Variants in ATF1 observed in about 807,000 individuals in gnomAD.
ATF1 encodes cyclic AMP-dependent transcription factor ATF-1.
In ATF1, 16 loss-of-function variants were observed where a neutral mutation model predicts 34.7. The ratio of observed to expected loss-of-function variants is 0.46; its 90% CI spans 0.31 to 0.70. The LOEUF is 0.70. ATF1 is among the 30% of genes least tolerant of loss of function. The probability of loss-of-function intolerance (pLI) is 0.05; values close to 1 mark genes in which losing one functional copy is unlikely to be tolerated. For synonymous variants in ATF1, 105 were observed against 113.1 expected, an observed-to-expected ratio of 0.93 and a Z score of 0.46; for missense variants, 255 against 321.6, an observed-to-expected ratio of 0.79 and a Z score of 1.58.
intron 2 of ATF1, among the ~76,000 whole-genome samples, chr12:50,790,365 T>A (rs1941277298): frequency 6.6e-6 from 1 of 152,056 alleles, no homozygotes; most frequent in African/African-American, 2.4e-5. Flanking sequence ...CTGCCAAACC[T>A]GGCTAATTTT....
At chr12:50,776,709 C>T (rs1940933881) in intron 1 of ATF1, among the ~76,000 whole-genome samples, 1 of 152,016 alleles carries the variant, frequency 6.6e-6, no homozygotes, top group Admixed American at 6.6e-5. Context: ...TTAAATATTT[C>T]CAATTCCCTT....
At chr12:50,777,626 C>G (rs931910342) in intron 1 of ATF1, among the ~76,000 whole-genome samples, 2 of 151,622 alleles carry the variant, frequency 1.3e-5, no homozygotes, top group South Asian at 4.2e-4. Flanking sequence ...AAAGACCCCC[C>G]CCAAATTAAC....
chr12:50,802,552 T>G (rs1434229121), intron 3 of ATF1, among the ~76,000 whole-genome samples: 1 of 151,864 alleles, frequency 6.6e-6, no homozygotes, highest in Non-Finnish European at 1.5e-5. Context: ...CTGGAAACTA[T>G]AAAACCTTGT....
At position 50,814,456 on chromosome 12, in the gene ATF1, T is replaced by C. The variant is rs75866814; in HGVS notation, c.671+17T>C. 6.2e-7 allele frequency: 1 copy of C among 1,610,274 alleles called. No homozygotes were observed. The highest frequency in any genetic ancestry group is 1.3e-5 in the African/African-American group (1 of 74,960). On this transcript the variant is annotated intron_variant, in intron 6 of 6. Coordinates refer to ENST00000262053, the MANE Select transcript of ATF1 (RefSeq NM_005171.5). ...GAAAAACAGGTAGGTAGTAAAATCG[T>C]AGTACCAGAATGGGTAATGTTTTTA...
intron 3 of ATF1, among the ~76,000 whole-genome samples, chr12:50,805,602 C>T (rs1941600895): frequency 6.6e-6 from 1 of 151,440 alleles, no homozygotes; most frequent in Non-Finnish European, 1.5e-5. Context: ...ATTCTTAACC[C>T]ATTGTGACCA....
At chr12:50,790,710 T>C (rs1941283153) in intron 2 of ATF1, among the ~76,000 whole-genome samples, 1 of 151,790 alleles carries the variant, frequency 6.6e-6, no homozygotes, top group South Asian at 2.1e-4. Flanking sequence ...CATAAGATGT[T>C]TGGGGGAGGG....
In ATF1 at chr12:50,786,087, G is replaced by A. The variant is rs566296979; in HGVS notation, c.93+5849G>A. Among the ~76,000 whole-genome samples the A allele has an allele frequency of 7.9e-5, 12 of 152,268 alleles. No individual in the cohort carries two copies. In the South Asian group the frequency reaches 2.3e-3, roughly 29 times the overall value. ...AAAATCTGTTGGGCAGACCATCCAA[G>A]TAGATTTATCCAGTAGGCAGCTAGA... On this transcript the variant is annotated intron_variant, in intron 2 of 6. Coordinates refer to ENST00000262053, the MANE Select transcript of ATF1 (RefSeq NM_005171.5).
At chr12:50,771,661 G>A (rs918391256) in intron 1 of ATF1, among the ~76,000 whole-genome samples, 3 of 152,116 alleles carry the variant, frequency 2.0e-5, no homozygotes, top group Non-Finnish European at 4.4e-5. Flanking sequence ...GGTAAAATGA[G>A]GCTAAAACCT....
chr12:50,779,314 G>A (rs1297815708), intron 1 of ATF1, among the ~76,000 whole-genome samples: 1 of 152,104 alleles, frequency 6.6e-6, no homozygotes, highest in African/African-American at 2.4e-5. Flanking sequence ...ATTTTTGTTT[G>A]AGGAACTGCC....
intron 2 of ATF1, 61 bp downstream of exon 2, chr12:50,780,299 C>A: frequency 7.2e-7 from 1 of 1,383,566 alleles, no homozygotes; most frequent in Non-Finnish European, 1.0e-6. Context: ...GCAGATTAAT[C>A]TCGTTTCAGA....
chr12:50,784,351 T>G (rs1046640278), intron 2 of ATF1, among the ~76,000 whole-genome samples: 2 of 152,074 alleles, frequency 1.3e-5, no homozygotes, highest in African/African-American at 2.4e-5. Context: ...ATAGGAGAGA[T>G]AGGGAGTTGG....
intron 1 of ATF1, among the ~76,000 whole-genome samples, chr12:50,766,969 A>T (rs1031740146): frequency 5.3e-5 from 8 of 152,198 alleles, no homozygotes; most frequent in Non-Finnish European, 1.2e-4. Context: ...CTAGTTTGAT[A>T]TTGGGTGCTA....
chr12:50,812,398 G>A (rs1409558930), intron 4 of ATF1, among the ~76,000 whole-genome samples: 1 of 151,866 alleles, frequency 6.6e-6, no homozygotes, highest in Non-Finnish European at 1.5e-5. Context: ...GGTAAAAGGG[G>A]GAAAATGAAA....
At chr12:50,797,205 G>C (rs943586019) in intron 3 of ATF1, among the ~76,000 whole-genome samples, 5 of 152,164 alleles carry the variant, frequency 3.3e-5, no homozygotes, top group Non-Finnish European at 7.4e-5. Context: ...GTCTCTCCAG[G>C]AGAGAAAATG....
intron 6 of ATF1, among the ~76,000 whole-genome samples, chr12:50,818,415 AAAG>A (rs1941885267): frequency 1.3e-5 from 2 of 152,344 alleles, no homozygotes; most frequent in South Asian, 2.1e-4. Context: ...TCTCAAAACA[AAAG>A]AAGAAAAAAG....
At chr12:50,817,048 T>C (rs1202987768) in intron 6 of ATF1, among the ~76,000 whole-genome samples, 1 of 152,208 alleles carries the variant, frequency 6.6e-6, no homozygotes, top group East Asian at 1.9e-4. Flanking sequence ...TGGTCAGGAA[T>C]TCATAGATAC....
intron 1 of ATF1, among the ~76,000 whole-genome samples, chr12:50,774,752 GT>G (rs63149060): frequency 2.3e-4 from 33 of 141,144 alleles, no homozygotes; most frequent in Non-Finnish European, 2.6e-4. Context: ...TTTTGTTTTT[GT>G]TTTTTTTTTT....
At chr12:50,771,253 G>T (rs1940763087) in intron 1 of ATF1, among the ~76,000 whole-genome samples, 1 of 152,078 alleles carries the variant, frequency 6.6e-6, no homozygotes, top group Non-Finnish European at 1.5e-5. Context: ...TAATCCACCT[G>T]CCTCGGCCTC....
intron 3 of ATF1, among the ~76,000 whole-genome samples, chr12:50,808,719 TTAAG>T (rs1941668841): frequency 6.6e-6 from 1 of 150,944 alleles, no homozygotes; most frequent in Non-Finnish European, 1.5e-5. Context: ...GTGTAATAGT[TTAAG>T]TGTCTGGTAG....
Sources: gnomAD v4.1 joint callset for allele counts (sites outside exome capture counted in the v4.1 genomes callset) on GRCh38, gnomAD v4.1.1 for gene constraint, MANE v1.5 for transcripts, NCBI Gene and HGNC (gene_info 2026-07-23, HGNC 2026-07-21) for gene names.